The following NEIL3 variants were observed in gnomAD, a reference collection of about 807,000 sequenced individuals.
The protein encoded by NEIL3 is endonuclease 8-like 3.
A neutral mutation model predicts 57.5 loss-of-function variants in NEIL3; 48 were observed. The ratio of observed to expected loss-of-function variants is 0.83; its 90% CI spans 0.66 to 1.06. The LOEUF (loss-of-function observed/expected upper bound fraction) is 1.06, where lower values mean the gene tolerates loss of function less well. Ranked by LOEUF, NEIL3 falls within the 50% of genes least tolerant of loss-of-function variation. The pLI is 0.00. For missense variants in NEIL3, 717 were observed against 739.1 expected (o/e 0.97, Z 0.35); for synonymous variants, 261 against 253.2 (o/e 1.03, Z -0.29).
intron 8 of NEIL3, among the ~76,000 whole-genome samples, chr4:177,359,806 C>A (rs1017867626): frequency 2.6e-5 from 4 of 152,178 alleles, no homozygotes; most frequent in African/African-American, 4.8e-5. Flanking sequence ...AGCTACAGTA[C>A]AAGGCCAGCT....
the NEIL3 span, among the ~76,000 whole-genome samples, chr4:177,368,792 A>G: frequency 6.6e-6 from 1 of 152,192 alleles, no homozygotes; most frequent in Non-Finnish European, 1.5e-5. Context: ...GTTTAAATGA[A>G]AGTCCCTTTT....
rs1345818629 is a variant in NEIL3, at chr4:177,335,755, T to A, written c.346T>A (p.Ser116Thr). 1 of 1,595,800 alleles carries A rather than the reference T, an allele frequency of 6.3e-7. No homozygotes were observed. The highest frequency in any genetic ancestry group is 2.2e-5 in the East Asian group (1 of 44,538). Residue 116 changes from serine (S) to threonine (T), a missense_variant, in exon 3 of 10, where the codon TCT (serine) becomes ACT (threonine). Physicochemically the swap from Ser to Thr is moderately conservative, Grantham distance 58. Coordinates refer to ENST00000264596, the MANE Select transcript of NEIL3 (RefSeq NM_018248.3). ...PLEYKYKNGA[S>T]PVLEVQLTKD... ...TGAGTATAAATATAAAAATGGAGCT[T>A]CTCCTGTTTTGGAAGTGCAGCTCAC...
At chr4:177,359,150 C>T (rs1302255900) in intron 8 of NEIL3, among the ~76,000 whole-genome samples, 2 of 152,170 alleles carry the variant, frequency 1.3e-5, no homozygotes, top group Admixed American at 6.5e-5. Flanking sequence ...TATTTCTGAT[C>T]TGGTATTACC....
chr4:177,336,824 G>T (rs1044140856), intron 4 of NEIL3, among the ~76,000 whole-genome samples: 2 of 152,132 alleles, frequency 1.3e-5, no homozygotes, highest in African/African-American at 2.4e-5. Context: ...TACATGTTCT[G>T]CACACGCTTG....
intron 1 of NEIL3, among the ~76,000 whole-genome samples, chr4:177,311,784 T>C (rs1734479536): frequency 6.6e-6 from 1 of 151,184 alleles, no homozygotes; most frequent in South Asian, 2.1e-4. Context: ...GACACTGCCC[T>C]CTCATTTAGG....
chr4:177,317,610 T>TTTC (rs1734600509), intron 1 of NEIL3, among the ~76,000 whole-genome samples: 1 of 137,322 alleles, frequency 7.3e-6, no homozygotes, highest in Non-Finnish European at 1.6e-5. Context: ...TTTTTTTTTT[T>TTTC]TTTTTTTTTT....
At chr4:177,339,717 G>A in intron 4 of NEIL3, 66 bp from the exon 5 acceptor site, 2 of 1,014,362 alleles carry the variant, frequency 2.0e-6, no homozygotes, top group Non-Finnish European at 3.1e-6. Context: ...AATTGGCAAG[G>A]CGTATTATTT....
intron 3 of NEIL3, 35 bp downstream of exon 3, chr4:177,335,857 A>G (rs769672320): frequency 3.3e-6 from 5 of 1,510,116 alleles, no homozygotes; most frequent in Non-Finnish European, 4.4e-6. Flanking sequence ...TTACGCTGCA[A>G]TACTGCAGAG....
chr4:177,322,677 G>T, intron 2 of NEIL3, 97 bp downstream of exon 2: 1 of 1,430,304 alleles, frequency 7.0e-7, no homozygotes, highest in Non-Finnish European at 9.7e-7. Context: ...AATCATATAG[G>T]AAGTACTGTG....
chr4:177,310,136 C>G (rs545591625), intron 1 of NEIL3, 27 bp downstream of exon 1: 2 of 1,528,972 alleles, frequency 1.3e-6, no homozygotes, highest in African/African-American at 1.4e-5. Context: ...ACAGGCCATG[C>G]AGTCAGCAGG....
chr4:177,316,055 C>T (rs1734568239), intron 1 of NEIL3, among the ~76,000 whole-genome samples: 1 of 152,148 alleles, frequency 6.6e-6, no homozygotes, highest in South Asian at 2.1e-4. Flanking sequence ...TTTTCCTATA[C>T]ATACAACCTA....
At chr4:177,340,161 G>A (rs1177991337) in intron 5 of NEIL3, among the ~76,000 whole-genome samples, 4 of 152,162 alleles carry the variant, frequency 2.6e-5, no homozygotes, top group Non-Finnish European at 4.4e-5. Flanking sequence ...GTCTAGAGAG[G>A]CTGACCTACA....
At chr4:177,367,556 C>T (rs1396062480), downstream of NEIL3, among the ~76,000 whole-genome samples, 1 of 152,074 alleles carries the variant, frequency 6.6e-6, no homozygotes, top group African/African-American at 2.4e-5. Context: ...TTGCTATTGT[C>T]CCACATCAAC....
chr4:177,363,600 A>G (rs920561486), downstream of NEIL3, among the ~76,000 whole-genome samples: 1 of 152,190 alleles, frequency 6.6e-6, no homozygotes, highest in African/African-American at 2.4e-5. Context: ...TGCAATAAAG[A>G]GGAAAAAAGG....
At chr4:177,356,236 G>T (rs1182411697) in intron 8 of NEIL3, among the ~76,000 whole-genome samples, 1 of 151,998 alleles carries the variant, frequency 6.6e-6, no homozygotes, top group East Asian at 1.9e-4. Flanking sequence ...TTTAACTAAT[G>T]AATTAGGGAT....
At position 177,362,441 on chromosome 4, in the gene NEIL3, G is replaced by A. The variant is rs1279917010; in HGVS notation, c.1788G>A (p.Gly596=). ...ATTTTTTCCAGTGGGCAGAAAATGG[G>A]CCAGGAATAAAAATTATTCCTGGAT... The part of the protein sequence containing the change: ...QCNFFQWAEN[G]PGIKIIPGC Residue 596 remains glycine, a synonymous_variant, in exon 10 of 10, where the codon GGG becomes GGA. Transcript: ENST00000264596. 1 of 1,612,798 alleles carries A rather than the reference G, an allele frequency of 6.2e-7. No homozygotes were observed. The highest frequency in any genetic ancestry group is 1.1e-5 in the South Asian group (1 of 90,736).
chr4:177,341,514 G>A lies in NEIL3; in HGVS notation c.741G>A (p.Lys247=). The A allele has an allele frequency of 1.2e-6, 2 of 1,612,532 alleles. No individual in the cohort carries two copies. The highest frequency in any genetic ancestry group is 1.7e-6 in the Non-Finnish European group (2 of 1,179,502). ...GACTTGCTCTCTCTAAACACTATAA[G>A]GTTTACAAGCGTCCTAATTGTGGTC... ...KAGLALSKHY[K]VYKRPNCGQC... The change falls in exon 6 of 10, where the codon AAG becomes AAA. Residue 247 remains lysine, a synonymous_variant. Transcript: ENST00000264596.
rs532020443 is a variant in NEIL3, at chr4:177,335,697, C to T, written c.288C>T (p.Phe96=). Residue 96 remains phenylalanine, a synonymous_variant, in exon 3 of 10, where the codon TTC becomes TTT. Coordinates refer to ENST00000264596, the MANE Select transcript of NEIL3 (RefSeq NM_018248.3). ...YFGPKALRIH[F]GMKGFIMINP... ...TTTGATTTTGTTTCAGGATTCATTT[C>T]GGAATGAAAGGCTTCATCATGATTA... 4.4e-5 allele frequency: 70 copies of T among 1,608,098 alleles called. No homozygotes were observed. The highest frequency in any genetic ancestry group is 3.8e-4 in the East Asian group (17 of 44,648).
chr4:177,360,788 A>G (rs542145053), intron 9 of NEIL3, 111 bp downstream of exon 9: 260 of 808,524 alleles, frequency 3.2e-4, no homozygotes, highest in Admixed American at 2.9e-3. Context: ...TAAATTTGAA[A>G]TAGCCATATT....
Sources: allele counts gnomAD v4.1 joint callset (sites outside exome capture counted in the v4.1 genomes callset), GRCh38; gene constraint gnomAD v4.1.1; transcripts MANE v1.5; gene names NCBI Gene and HGNC (gene_info 2026-07-23, HGNC 2026-07-21).